Variants in CERS4 observed in about 807,000 individuals in gnomAD.
CERS4 encodes ceramide synthase 4.
CERS4 carries 65 observed loss-of-function variants against 51.8 expected under a neutral mutation model. That is an observed-to-expected ratio of 1.26 (90% CI 1.03 to 1.54). The LOEUF is 1.54. Ranked by LOEUF, CERS4 falls within the 40% of genes most tolerant of loss-of-function variation. CERS4 has a pLI of 0.00. For synonymous variants in CERS4, 228 were observed against 208.4 expected, an observed-to-expected ratio of 1.09 and a Z score of -0.81; for missense variants, 563 against 500.4, an observed-to-expected ratio of 1.13 and a Z score of -1.19.
At chr19:8,249,569 C>T (rs1968964534) in intron 2 of CERS4, among the ~76,000 whole-genome samples, 1 of 145,250 alleles carries the variant, frequency 6.9e-6, no homozygotes, top group East Asian at 2.0e-4. Flanking sequence ...CCATAGATGG[C>T]CAGGAAAGGA....
intron 3 of CERS4, among the ~76,000 whole-genome samples, chr19:8,253,146 C>T (rs761435864): frequency 1.3e-5 from 2 of 152,240 alleles, no homozygotes; most frequent in Non-Finnish European, 2.9e-5. Flanking sequence ...ATATAAAATT[C>T]GGTCCCCACC....
chr19:8,228,058 C>T (rs977439608), intron 2 of CERS4, among the ~76,000 whole-genome samples: 6 of 152,108 alleles, frequency 3.9e-5, no homozygotes, highest in Admixed American at 3.9e-4. Context: ...GACGGGGTTT[C>T]ACCATGTTGG....
intron 2 of CERS4, chr19:8,250,855 G>A (rs1969041272): frequency 7.4e-7 from 1 of 1,349,660 alleles, no homozygotes; most frequent in Admixed American, 3.5e-5. Context: ...ACCAGGCAAT[G>A]GAGTGGGAGT....
chr19:8,224,064 T>C (rs1967672672), intron 2 of CERS4, among the ~76,000 whole-genome samples: 2 of 136,866 alleles, frequency 1.5e-5, no homozygotes, highest in Admixed American at 1.6e-4. Flanking sequence ...ATCACACCAC[T>C]GCACTCCATC....
At chr19:8,253,449 CTTT>C (rs35212733) in intron 3 of CERS4, among the ~76,000 whole-genome samples, 14 of 74,054 alleles carry the variant, frequency 1.9e-4, no homozygotes, top group East Asian at 6.4e-4. Context: ...GTCCAGCTGC[CTTT>C]TTTTTTTTTT....
chr19:8,211,397 C>G (rs901278662), intron 2 of CERS4, among the ~76,000 whole-genome samples: 1 of 152,170 alleles, frequency 6.6e-6, no homozygotes, highest in African/African-American at 2.4e-5. Flanking sequence ...CCCCCCAGCC[C>G]TGTCCTGCCA....
intron 2 of CERS4, among the ~76,000 whole-genome samples, chr19:8,232,456 A>AT (rs1179033113): frequency 2.6e-5 from 4 of 151,598 alleles, no homozygotes; most frequent in Non-Finnish European, 4.4e-5. Flanking sequence ...ACACCCGGCA[A>AT]TTTTTTTGTA....
At position 8,253,832 on chromosome 19, in the gene CERS4, C is replaced by T. The variant is rs546460284; in HGVS notation, c.174-667C>T. Among the ~76,000 whole-genome samples, 10 of 152,100 alleles carry T rather than the reference C, an allele frequency of 6.6e-5. No individual in the cohort carries two copies. In the East Asian group the frequency reaches 1.2e-3, roughly 18 times the overall value. On this transcript the variant is annotated intron_variant, in intron 3 of 11. Coordinates refer to ENST00000251363, the MANE Select transcript of CERS4 (RefSeq NM_024552.3). ...CTCGAACTTCTGACCTCACGTGATC[C>T]GCCCACCTCAGCCCCAAAGTTCTGG...
intron 2 of CERS4, among the ~76,000 whole-genome samples, chr19:8,230,288 C>T (rs577786689): frequency 4.6e-5 from 7 of 152,036 alleles, no homozygotes; most frequent in East Asian, 1.9e-4. Context: ...CTCCCAGGTT[C>T]ACATGATTCT....
At chr19:8,227,140 T>C (rs1348090024) in intron 2 of CERS4, among the ~76,000 whole-genome samples, 7 of 151,838 alleles carry the variant, frequency 4.6e-5, no homozygotes, top group Non-Finnish European at 1.0e-4. Flanking sequence ...AAAAAGAGAA[T>C]TGGTTTCTTA....
In CERS4 at chr19:8,256,302, T is replaced by G. The variant is rs758491270; in HGVS notation, c.519+16T>G. On this transcript the variant is annotated intron_variant, in intron 7 of 11. Coordinates refer to ENST00000251363, the MANE Select transcript of CERS4 (RefSeq NM_024552.3). The stretch of plus-strand genomic sequence containing the variant: ...CCCAAACCAGGTGAGTGGCAGAGTG[T>G]GTGTGAATGCTTGGAGGGTGAGGGC... 38 of 1,612,940 alleles carry G rather than the reference T, an allele frequency of 2.4e-5. No homozygotes were observed. Among genetic ancestry groups the G allele is most frequent in the Non-Finnish European group, 3.1e-5 (37 of 1,179,648 alleles).
intron 2 of CERS4, among the ~76,000 whole-genome samples, chr19:8,245,128 A>AACAAAAAC (rs1568523534): frequency 1.4e-3 from 27 of 18,898 alleles, no homozygotes; most frequent in South Asian, 4.2e-3. Flanking sequence ...AAAAAAAAAA[A>AACAAAAAC]AAAAAAACAC....
Position 8,256,702 on chromosome 19 carries a change from A to G in CERS4, c.604A>G (p.Lys202Glu). The G allele has an allele frequency of 6.2e-7, 1 of 1,613,210 alleles. No individual in the cohort carries two copies. The highest frequency in any genetic ancestry group is 8.5e-7 in the Non-Finnish European group (1 of 1,179,664). Residue 202 changes from lysine (K) to glutamate (E), a missense_variant, in exon 8 of 12, where the codon AAG becomes GAG. By Grantham distance (56) the Lys-to-Glu change is moderately conservative (BLOSUM62 1). Transcript: ENST00000251363. ...SLLIRLPFDV[K>E]RKDFKEQVIH... ...GCTAATCAGGCTGCCCTTTGATGTC[A>G]AGCGCAAGGTGAGGCCAAATAAGAG...
chr19:8,227,105 G>T (rs1326647832), intron 2 of CERS4, among the ~76,000 whole-genome samples: 2 of 152,018 alleles, frequency 1.3e-5, no homozygotes, highest in Non-Finnish European at 2.9e-5. Context: ...TCCAGCCTGG[G>T]CAACAAGAGC....
At position 8,257,892 on chromosome 19, in the gene CERS4, T is replaced by G; in HGVS notation, c.755T>G (p.Val252Gly). The G allele has an allele frequency of 6.2e-7, 1 of 1,613,650 alleles. No individual in the cohort carries two copies. The highest frequency in any genetic ancestry group is 1.6e-4 in the Middle Eastern group (1 of 6,062). ...TGCCCTTTCCAGGCCTGTAAGATGG[T>G]CAACTACATGCAGTATCAGCAAGTG... is the stretch of plus-strand genomic sequence containing the variant. The part of the protein sequence containing the change: ...SDYLLEACKM[V>G]NYMQYQQVCD... Residue 252 changes from valine (V) to glycine (G), a missense_variant, in exon 10 of 12, where the codon GTC becomes GGC. Transcript: ENST00000251363.
intron 2 of CERS4, among the ~76,000 whole-genome samples, chr19:8,221,967 C>T (rs1309900259): frequency 3.6e-5 from 5 of 139,626 alleles, no homozygotes; most frequent in African/African-American, 5.3e-5. Context: ...CTGCAAGCTC[C>T]GCCTCCCGGG....
intron 2 of CERS4, among the ~76,000 whole-genome samples, chr19:8,216,848 G>T (rs981019837): frequency 6.6e-6 from 1 of 152,098 alleles, no homozygotes; most frequent in Non-Finnish European, 1.5e-5. Flanking sequence ...AGCGTACCTC[G>T]GGTGGCAGGT....
chr19:8,252,032 G>C (rs1969109735), intron 3 of CERS4, among the ~76,000 whole-genome samples: 1 of 150,462 alleles, frequency 6.6e-6, no homozygotes, highest in African/African-American at 2.4e-5. Flanking sequence ...TTCGAGACCA[G>C]ACTGCGCAAC....
intron 2 of CERS4, among the ~76,000 whole-genome samples, chr19:8,212,229 G>A (rs1967108979): frequency 6.6e-6 from 1 of 152,166 alleles, no homozygotes; most frequent in Non-Finnish European, 1.5e-5. Context: ...AGGGGTCGAA[G>A]GCAGGAGCCT....
Sources: allele counts gnomAD v4.1 joint callset (sites outside exome capture counted in the v4.1 genomes callset), GRCh38; gene constraint gnomAD v4.1.1; transcripts MANE v1.5; gene names NCBI Gene and HGNC (gene_info 2026-07-23, HGNC 2026-07-21).